Variants in SLC4A5 observed in about 807,000 individuals in gnomAD.
The protein encoded by SLC4A5 is solute carrier family 4 member 5.
Under a neutral mutation model 120.4 loss-of-function variants are expected in SLC4A5, and 96 were observed. The ratio of observed to expected loss-of-function variants is 0.80; its 90% confidence interval spans 0.68 to 0.94. The LOEUF is 0.94. Ranked by LOEUF, SLC4A5 falls within the 40% of genes least tolerant of loss-of-function variation. SLC4A5 has a pLI of 0.00. For missense variants in SLC4A5, 1,259 were observed against 1,459.5 expected (o/e 0.86, Z 2.24); for synonymous variants, 550 against 571.1 (o/e 0.96, Z 0.53).
chr2:74,286,506 TTCTC>T (rs1047805715), intron 7 of SLC4A5, among the ~76,000 whole-genome samples: 8 of 152,188 alleles, frequency 5.3e-5, no homozygotes, highest in South Asian at 2.1e-4. Flanking sequence ...CCTGTGTTCT[TTCTC>T]TCTTTTTCTT....
chr2:74,292,871 C>T (rs137941322), intron 7 of SLC4A5, among the ~76,000 whole-genome samples: 3 of 152,284 alleles, frequency 2.0e-5, no homozygotes, highest in African/African-American at 7.2e-5. Flanking sequence ...GGTGGCTACA[C>T]GGTCAGCTTT....
intron 4 of SLC4A5, among the ~76,000 whole-genome samples, chr2:74,329,967 G>GTGGTTA (rs537824396): frequency 2.7e-4 from 41 of 151,692 alleles, no homozygotes; most frequent in Non-Finnish European, 5.2e-4. Flanking sequence ...GTAGTGTATG[G>GTGGTTA]TGGTGTGAAG....
chr2:74,294,699 G>T (rs1208122017), intron 7 of SLC4A5, among the ~76,000 whole-genome samples: 3 of 147,056 alleles, frequency 2.0e-5, no homozygotes, highest in Admixed American at 2.0e-4. Context: ...TTTTTTTTGA[G>T]ACACAGTCTT....
chr2:74,232,683 G>C (rs1225931775), intron 23 of SLC4A5, 36 bp from the exon 24 acceptor site: 1 of 1,603,772 alleles, frequency 6.2e-7, no homozygotes, highest in East Asian at 2.2e-5. Context: ...AGAAGTTTCT[G>C]GGGAGCCAGT....
chr2:74,250,997 C>T (rs1280200290), intron 16 of SLC4A5, among the ~76,000 whole-genome samples: 1 of 152,176 alleles, frequency 6.6e-6, no homozygotes, highest in Non-Finnish European at 1.5e-5. Context: ...CTATCTGGAA[C>T]AGCTGAGTGG....
At chr2:74,294,874 T>A (rs962659156) in intron 7 of SLC4A5, among the ~76,000 whole-genome samples, 11 of 152,122 alleles carry the variant, frequency 7.2e-5, no homozygotes, top group African/African-American at 2.7e-4. Flanking sequence ...GTTCGCCATG[T>A]TGGCCAGACT....
intron 7 of SLC4A5, chr2:74,290,744 G>A (rs1200933005): frequency 1.0e-6 from 1 of 985,788 alleles, no homozygotes; most frequent in African/African-American, 1.7e-5. Flanking sequence ...AGAACCTCAA[G>A]CAGGAAGCCG....
chr2:74,241,271 T>C (rs985571245), intron 20 of SLC4A5, among the ~76,000 whole-genome samples: 3 of 149,760 alleles, frequency 2.0e-5, no homozygotes, highest in Non-Finnish European at 3.0e-5. Context: ...TTATTATTAT[T>C]ATTATTATTA....
intron 25 of SLC4A5, among the ~76,000 whole-genome samples, chr2:74,230,942 G>A (rs1185779339): frequency 6.6e-6 from 1 of 152,126 alleles, no homozygotes; most frequent in Non-Finnish European, 1.5e-5. Context: ...GAGTAGCTGT[G>A]ATTACAGGCA....
intron 6 of SLC4A5, chr2:74,306,862 C>A: frequency 1.6e-6 from 1 of 637,982 alleles, no homozygotes; most frequent in Non-Finnish European, 2.9e-6. Flanking sequence ...TCCTTGCCAT[C>A]TTCCAGCAGG....
chr2:74,323,437 C>G (rs1004753680), intron 5 of SLC4A5, among the ~76,000 whole-genome samples: 2 of 151,974 alleles, frequency 1.3e-5, no homozygotes, highest in Non-Finnish European at 2.9e-5. Context: ...CATCATTAAT[C>G]AAGAAGGAGA....
intron 8 of SLC4A5, among the ~76,000 whole-genome samples, chr2:74,268,588 T>C (rs997146200): frequency 1.3e-5 from 2 of 152,262 alleles, no homozygotes; most frequent in Non-Finnish European, 2.9e-5. Context: ...CCTTGGTTCC[T>C]GCTCCACAAT....
chr2:74,341,283 C>T (rs1244602753), intron 2 of SLC4A5, among the ~76,000 whole-genome samples: 3 of 131,398 alleles, frequency 2.3e-5, no homozygotes, highest in African/African-American at 9.2e-5. Flanking sequence ...TCCAGCCTAG[C>T]GACAGAGCGA....
At chr2:74,312,754 G>A (rs1198091921) in intron 6 of SLC4A5, among the ~76,000 whole-genome samples, 2 of 151,954 alleles carry the variant, frequency 1.3e-5, no homozygotes, top group African/African-American at 2.4e-5. Flanking sequence ...CCAACATGGC[G>A]AAATCTCATC....
At chr2:74,314,193 A>G (rs772673308) in intron 6 of SLC4A5, among the ~76,000 whole-genome samples, 2 of 152,138 alleles carry the variant, frequency 1.3e-5, no homozygotes, top group African/African-American at 4.8e-5. Flanking sequence ...TAATCAAAAG[A>G]GCATGGTGAT....
At chr2:74,220,527 C>CT (rs542950144) in intron 30 of SLC4A5, among the ~76,000 whole-genome samples, 250 of 150,738 alleles carry the variant, frequency 1.7e-3, no homozygotes, top group Middle Eastern at 3.4e-3. Context: ...CTTTTTTTTT[C>CT]TTTTTTTGAG....
rs1672579022 is a variant in SLC4A5, at chr2:74,304,583, C to T, written c.177G>A (p.Trp59Ter). The T allele has an allele frequency of 6.2e-7, 1 of 1,614,192 alleles. No homozygotes were observed. The highest frequency in any genetic ancestry group is 1.3e-5 in the African/African-American group (1 of 75,048). ...GCTGTGGCTGGTCTGGCCGCAGGCC[C>T]CAGTGGACTTTTTGCAGGCCTGAAA... The change falls in exon 7 of 31, where the codon TGG becomes TGA. Residue 59 changes from tryptophan to a stop codon, truncating the protein, a stop_gained. Coordinates refer to ENST00000394019, the Ensembl canonical transcript of SLC4A5. LOFTEE classifies it high-confidence loss of function.
Position 74,255,634 on chromosome 2 carries a change from A to T in SLC4A5, c.1025+141T>A. ...TTAATAAACTCTAAAACTCTTCCCT[A>T]GTCAGAAGATTTCCCTTCCCAGCAG... On this transcript the variant is annotated intron_variant, in intron 13 of 30. Transcript: ENST00000394019. This position sits in a 1 kb window ranked among gnomAD's most constrained non-coding sequence, Gnocchi z 4.0. The T allele has an allele frequency of 1.0e-6, 1 of 965,348 alleles. No homozygotes were observed. The highest frequency in any genetic ancestry group is 1.5e-6 in the Non-Finnish European group (1 of 659,788). 59.8% of individuals were successfully genotyped at this position (965,348 alleles called of 1,614,324 possible).
chr2:74,289,873 T>G (rs1295996114), intron 7 of SLC4A5, among the ~76,000 whole-genome samples: 2 of 152,014 alleles, frequency 1.3e-5, no homozygotes, highest in Non-Finnish European at 2.9e-5. Context: ...AAAAAGAAAA[T>G]AAAATATAAA....
Sources: gnomAD v4.1 joint callset for allele counts (sites outside exome capture counted in the v4.1 genomes callset) on GRCh38, gnomAD v4.1.1 for gene constraint, Gnocchi (gnomAD v3.1) non-coding constraint, MANE v1.5 for transcripts, NCBI Gene and HGNC (gene_info 2026-07-23, HGNC 2026-07-21) for gene names.